FYB2: variants seen among roughly 807,000 people sequenced by gnomAD.
The protein encoded by FYB2 is FYN-binding protein 2.
In FYB2, 103 loss-of-function variants were observed where a neutral mutation model predicts 94.1. The ratio of observed to expected loss-of-function variants is 1.09; its 90% CI spans 0.93 to 1.29. The LOEUF is 1.29. Ranked by LOEUF, FYB2 falls within the 50% of genes most tolerant of loss-of-function variation. The probability of loss-of-function intolerance (pLI) is 0.00; values close to 1 mark genes in which losing one functional copy is unlikely to be tolerated. For missense variants in FYB2, 896 were observed against 841.5 expected, an observed-to-expected ratio of 1.06 and a Z score of -0.80; for synonymous variants, 293 against 287.9, an observed-to-expected ratio of 1.02 and a Z score of -0.18.
intron 1 of FYB2, among the ~76,000 whole-genome samples, chr1:56,815,886 T>C (rs1646871767): frequency 6.6e-6 from 1 of 152,208 alleles, no homozygotes; most frequent in Admixed American, 6.5e-5. Flanking sequence ...GCAATGACTG[T>C]ATAACTAAGT....
Position 56,792,193 on chromosome 1 carries a change from T to C in FYB2, c.620A>G (p.His207Arg), listed in dbSNP as rs1475385685. 6.2e-7 allele frequency: 1 copy of C among 1,614,074 alleles called. No individual in the cohort carries two copies. Among genetic ancestry groups the C allele is most frequent in the South Asian group, 1.1e-5 (1 of 91,056 alleles). Residue 207 changes from histidine (H) to arginine (R), a missense_variant, in exon 2 of 20, where the codon CAT becomes CGT. Physicochemically the swap from His to Arg is conservative, Grantham distance 29. Coordinates refer to ENST00000343433, the MANE Select transcript of FYB2 (RefSeq NM_001004303.5). ...AAAAGAGGGATCTTCAGAGACGTTA[T>C]GTAATATTTTGGGGGCCACCACGTG... ...QKHVVAPKIL[H>R]NVSEDPSFVI...
At chr1:56,787,089 G>C in intron 4 of FYB2, 86 bp downstream of exon 4, 1 of 1,415,922 alleles carries the variant, frequency 7.1e-7, no homozygotes, top group East Asian at 2.3e-5. Flanking sequence ...CAGATTCTTG[G>C]TTTGTGCTAA....
chr1:56,751,312 CATTT>C, intron 8 of FYB2, 109 bp from the exon 9 acceptor site: 1 of 1,160,956 alleles, frequency 8.6e-7, no homozygotes, highest in Middle Eastern at 2.5e-4. Context: ...AATTATTTAT[CATTT>C]ATTTAACATT....
At chr1:56,738,554 T>C in intron 14 of FYB2, 71 bp downstream of exon 14, 1 of 1,449,996 alleles carries the variant, frequency 6.9e-7, no homozygotes, top group Non-Finnish European at 9.4e-7. Context: ...AGGGTTACCA[T>C]TTCTCTTTCC....
At chr1:56,759,231 C>T (rs529965472) in intron 5 of FYB2, among the ~76,000 whole-genome samples, 1 of 152,214 alleles carries the variant, frequency 6.6e-6, no homozygotes, top group South Asian at 2.1e-4. Context: ...TTTGACTTTT[C>T]CAATAGTTCT....
At chr1:56,806,098 A>T (rs1646640354) in intron 1 of FYB2, among the ~76,000 whole-genome samples, 1 of 152,210 alleles carries the variant, frequency 6.6e-6, no homozygotes, top group Non-Finnish European at 1.5e-5. Context: ...TACAGGTAAC[A>T]TAAATGCATG....
At chr1:56,799,851 G>A (rs1339040668) in intron 1 of FYB2, among the ~76,000 whole-genome samples, 2 of 152,170 alleles carry the variant, frequency 1.3e-5, no homozygotes, top group African/African-American at 2.4e-5. Context: ...GCACTGCACA[G>A]CAAGCTGCCT....
intron 15 of FYB2, among the ~76,000 whole-genome samples, chr1:56,734,905 G>A (rs750967082): frequency 2.0e-5 from 3 of 151,964 alleles, no homozygotes; most frequent in Non-Finnish European, 4.4e-5. Flanking sequence ...AAACCACAAT[G>A]AGGTATCATT....
intron 1 of FYB2, among the ~76,000 whole-genome samples, chr1:56,801,095 T>C (rs2101026383): frequency 6.6e-6 from 1 of 152,240 alleles, no homozygotes. Context: ...CTGACCACCC[T>C]AACCCTCAGT....
At chr1:56,804,679 G>A (rs1293456989) in intron 1 of FYB2, among the ~76,000 whole-genome samples, 1 of 152,068 alleles carries the variant, frequency 6.6e-6, no homozygotes, top group South Asian at 2.1e-4. Context: ...GCAGTGAGCC[G>A]AGATGGCACC....
intron 4 of FYB2, among the ~76,000 whole-genome samples, chr1:56,780,958 T>C (rs373661435): frequency 1.3e-5 from 2 of 152,298 alleles, no homozygotes; most frequent in Admixed American, 1.3e-4. Flanking sequence ...TTCTTTCCTG[T>C]AGCGATTCAA....
intron 8 of FYB2, among the ~76,000 whole-genome samples, chr1:56,752,867 C>T (rs942388433): frequency 1.1e-4 from 16 of 152,112 alleles, no homozygotes; most frequent in African/African-American, 3.6e-4. Flanking sequence ...ATGTATCTCT[C>T]CTGCCCTCTC....
At chr1:56,790,364 T>C (rs917976454) in intron 2 of FYB2, among the ~76,000 whole-genome samples, 1 of 152,218 alleles carries the variant, frequency 6.6e-6, no homozygotes, top group Admixed American at 6.5e-5. Context: ...AAAACTTCAG[T>C]CATTATCAAA....
At chr1:56,783,571 G>A (rs1298594850) in intron 4 of FYB2, among the ~76,000 whole-genome samples, 1 of 152,084 alleles carries the variant, frequency 6.6e-6, no homozygotes, top group African/African-American at 2.4e-5. Flanking sequence ...CATAAAGAGG[G>A]GGTAAATATG....
At chr1:56,810,568 A>C (rs1255202747) in intron 1 of FYB2, among the ~76,000 whole-genome samples, 1 of 152,204 alleles carries the variant, frequency 6.6e-6, no homozygotes, top group Non-Finnish European at 1.5e-5. Flanking sequence ...GAAAGATATC[A>C]AAGAGAATTT....
Position 56,817,871 on chromosome 1 carries a change from C to T in FYB2, c.9+1411G>A, listed in dbSNP as rs561608433. 3.3e-5 allele frequency among the ~76,000 whole-genome samples: 5 copies of T among 152,258 alleles called. No homozygotes were observed. The East Asian group carries it at 5.8e-4, about 18-fold the overall frequency. On this transcript the variant is annotated intron_variant, in intron 1 of 19. Coordinates refer to ENST00000343433, the MANE Select transcript of FYB2 (RefSeq NM_001004303.5). The stretch of plus-strand genomic sequence containing the variant: ...GCTGTCCTATTGTAATCCTTGCTAG[C>T]GATGCTTGGCTTATAGTTGGCACTG...
intron 4 of FYB2, among the ~76,000 whole-genome samples, chr1:56,776,416 G>C (rs916580130): frequency 3.3e-5 from 5 of 152,100 alleles, no homozygotes; most frequent in Admixed American, 1.3e-4. Context: ...GTGAATTTGG[G>C]AATGACTTTC....
intron 4 of FYB2, among the ~76,000 whole-genome samples, chr1:56,777,233 C>CAAAAACAAAAA (rs1645897821): frequency 2.0e-5 from 2 of 99,518 alleles, no homozygotes; most frequent in Non-Finnish European, 4.7e-5. Context: ...GACTCCGTCT[C>CAAAAACAAAAA]AAAAACAAAA....
chr1:56,781,658 T>A (rs1309195291), intron 4 of FYB2, among the ~76,000 whole-genome samples: 2 of 152,218 alleles, frequency 1.3e-5, no homozygotes, highest in Non-Finnish European at 2.9e-5. Flanking sequence ...TTATTATTTA[T>A]ACAGCATCCA....
Sources: allele counts gnomAD v4.1 joint callset (sites outside exome capture counted in the v4.1 genomes callset), GRCh38; gene constraint gnomAD v4.1.1; transcripts MANE v1.5; gene names NCBI Gene and HGNC (gene_info 2026-07-23, HGNC 2026-07-21).